The following IGF1R variants were observed in gnomAD, a reference collection of about 807,000 sequenced individuals.
IGF1R encodes the protein insulin like growth factor 1 receptor, also known as insulin-like growth factor 1 receptor.
Under a neutral mutation model 144.6 loss-of-function variants are expected in IGF1R, and 44 were observed. The ratio of observed to expected loss-of-function variants is 0.30; its 90% CI spans 0.24 to 0.39. The LOEUF (loss-of-function observed/expected upper bound fraction) is 0.39, where lower values mean the gene tolerates loss of function less well. Ranked by LOEUF, IGF1R falls within the 10% of genes least tolerant of loss-of-function variation. The probability of loss-of-function intolerance (pLI) is 1.00; values close to 1 mark genes in which losing one functional copy is unlikely to be tolerated. For missense variants in IGF1R, 1,355 were observed against 1,833.7 expected (o/e 0.74, Z 4.77); for synonymous variants, 795 against 722.8 (o/e 1.10, Z -1.60).
chr15:98,675,816 TTCTTTC>T (rs2053023340), intron 1 of IGF1R, among the ~76,000 whole-genome samples: 1 of 129,696 alleles, frequency 7.7e-6, no homozygotes. Context: ...TTTTTTTTCT[TTCTTTC>T]TTTCTTTTTT....
intron 2 of IGF1R, among the ~76,000 whole-genome samples, chr15:98,799,055 T>C (rs752993277): frequency 2.0e-5 from 3 of 152,140 alleles, no homozygotes; most frequent in Non-Finnish European, 4.4e-5. Flanking sequence ...TTAGGGAAGG[T>C]ACCACAACTT....
intron 2 of IGF1R, among the ~76,000 whole-genome samples, chr15:98,774,779 G>C (rs1281702506): frequency 6.6e-6 from 1 of 152,104 alleles, no homozygotes; most frequent in Non-Finnish European, 1.5e-5. Flanking sequence ...TGGCGGTGAT[G>C]TTGTACAACA....
intron 2 of IGF1R, among the ~76,000 whole-genome samples, chr15:98,720,572 A>G (rs11857366): frequency 0.51 from 78,177 of 151,938 alleles, 21,243 homozygotes; most frequent in Non-Finnish European, 0.6. Flanking sequence ...CTGCAATTGG[A>G]AAGTTCCAGA....
chr15:98,719,025 A>G (rs2054186380), intron 2 of IGF1R, among the ~76,000 whole-genome samples: 1 of 152,146 alleles, frequency 6.6e-6, no homozygotes, highest in Admixed American at 6.5e-5. Context: ...AGTAGATGAT[A>G]TTATTAGGTG....
intron 18 of IGF1R, among the ~76,000 whole-genome samples, chr15:98,941,892 G>T (rs911707892): frequency 6.6e-6 from 1 of 152,190 alleles, no homozygotes; most frequent in Non-Finnish European, 1.5e-5. Flanking sequence ...TTAAGAAAAG[G>T]TTGTATGATT....
intron 2 of IGF1R, among the ~76,000 whole-genome samples, chr15:98,852,322 T>C (rs2715421): frequency 1 from 152,148 of 152,162 alleles, 76,067 homozygotes; most frequent in Middle Eastern, 1. Flanking sequence ...CCGCCCCGGG[T>C]GAGGGAAGAG....
At position 98,664,126 on chromosome 15, in the gene IGF1R, C is replaced by T. The variant is rs543170236; in HGVS notation, c.94+14451C>T. ...TGTGGGCTTTTGTAACACTTTCCTG[C>T]TATTAGGAGAGTGAATTCTGAATTT... On this transcript the variant is annotated intron_variant, in intron 1 of 20. Transcript: ENST00000650285. Among the ~76,000 whole-genome samples the T allele has an allele frequency of 1.6e-4, 25 of 152,148 alleles. No individual in the cohort carries two copies. In the South Asian group the frequency reaches 5.0e-3, roughly 30 times the overall value.
chr15:98,765,307 C>CTTT (rs2055408113), intron 2 of IGF1R, among the ~76,000 whole-genome samples: 1 of 116,092 alleles, frequency 8.6e-6, no homozygotes, highest in Non-Finnish European at 1.8e-5. Flanking sequence ...CATGCCAACA[C>CTTT]CTTTTTTTTT....
chr15:98,854,951 A>G (rs2011718178), intron 2 of IGF1R, among the ~76,000 whole-genome samples: 1 of 149,740 alleles, frequency 6.7e-6, no homozygotes, highest in Admixed American at 6.6e-5. Context: ...GCCCCCCCCA[A>G]CACATGTGGA....
intron 2 of IGF1R, among the ~76,000 whole-genome samples, chr15:98,856,303 G>A (rs144338993): frequency 5.3e-5 from 8 of 152,194 alleles, no homozygotes; most frequent in Admixed American, 3.9e-4. Context: ...GCTATATGAC[G>A]GGCATCGTCC....
chr15:98,674,715 T>G (rs1362503263), intron 1 of IGF1R, among the ~76,000 whole-genome samples: 1 of 152,172 alleles, frequency 6.6e-6, no homozygotes, highest in Non-Finnish European at 1.5e-5. Flanking sequence ...AAGTTTTCTG[T>G]CTCTCTATAA....
chr15:98,650,767 C>T (rs1031181317), intron 1 of IGF1R: 12 of 400,140 alleles, frequency 3.0e-5, no homozygotes, highest in East Asian at 1.6e-4. Flanking sequence ...TGGTCGGCGT[C>T]GTGTCGCCCT....
At chr15:98,893,263 C>T (rs1379749663) in intron 3 of IGF1R, among the ~76,000 whole-genome samples, 1 of 152,140 alleles carries the variant, frequency 6.6e-6, no homozygotes, top group Non-Finnish European at 1.5e-5. Context: ...TGTAGGCTTA[C>T]CTTCAAATCA....
At chr15:98,741,154 G>C (rs112560590) in intron 2 of IGF1R, among the ~76,000 whole-genome samples, 2 of 149,938 alleles carry the variant, frequency 1.3e-5, no homozygotes, top group Non-Finnish European at 2.9e-5. Context: ...AGACACTCTC[G>C]TGTTGACATG....
intron 2 of IGF1R, among the ~76,000 whole-genome samples, chr15:98,838,901 G>A (rs1041828031): frequency 2.6e-5 from 4 of 152,214 alleles, no homozygotes; most frequent in Admixed American, 6.5e-5. Flanking sequence ...AGTGGGAGAC[G>A]TGGGGATCCT....
At chr15:98,870,952 C>A (rs549210152) in intron 2 of IGF1R, among the ~76,000 whole-genome samples, 26 of 152,320 alleles carry the variant, frequency 1.7e-4, no homozygotes, top group African/African-American at 6.3e-4. Flanking sequence ...AGTGGAGGTG[C>A]GGGAGGCATG....
chr15:98,678,921 C>CTTT (rs60694188), intron 1 of IGF1R, among the ~76,000 whole-genome samples: 5 of 130,182 alleles, frequency 3.8e-5, no homozygotes, highest in African/African-American at 1.5e-4. Flanking sequence ...CTCTGATGCT[C>CTTT]TTTTTTTTTT....
intron 11 of IGF1R, among the ~76,000 whole-genome samples, 186 bp downstream of exon 11, chr15:98,922,617 C>T (rs1036682611): frequency 6.6e-6 from 1 of 152,238 alleles, no homozygotes; most frequent in African/African-American, 2.4e-5. Context: ...AGCCCACGCT[C>T]TCCTAGTGAC....
At chr15:98,818,498 T>A (rs181071510) in intron 2 of IGF1R, among the ~76,000 whole-genome samples, 1 of 151,212 alleles carries the variant, frequency 6.6e-6, no homozygotes, top group Non-Finnish European at 1.5e-5. Flanking sequence ...ATATGAGAGA[T>A]GTTGGTGGCT....
Sources: gnomAD v4.1 joint callset for allele counts (sites outside exome capture counted in the v4.1 genomes callset) on GRCh38, gnomAD v4.1.1 for gene constraint, MANE v1.5 for transcripts, NCBI Gene and HGNC (gene_info 2026-07-23, HGNC 2026-07-21) for gene names.